NBEAL1: variants seen among roughly 807,000 people sequenced by gnomAD.
The protein encoded by NBEAL1 is neurobeachin-like protein 1.
A neutral mutation model predicts 351.3 loss-of-function variants in NBEAL1; 273 were observed. The observed-to-expected ratio is 0.78, with a 90% confidence interval of 0.70 to 0.86. The LOEUF is 0.86. Ranked by LOEUF, NBEAL1 falls within the 40% of genes least tolerant of loss-of-function variation. The pLI is 0.00. For missense variants in NBEAL1, 2,961 were observed against 3,201.3 expected (o/e 0.92, Z 1.81); for synonymous variants, 1,050 against 1,086.4 (o/e 0.97, Z 0.66).
chr2:203,182,822 T>A (rs1237443685), intron 43 of NBEAL1: 2 of 152,288 alleles, frequency 1.3e-5, no homozygotes, highest in Admixed American at 1.3e-4. Flanking sequence ...GAGCAAATCT[T>A]TATTATGCAA....
intron 42 of NBEAL1, among the ~76,000 whole-genome samples, chr2:203,176,558 C>T (rs998302264): frequency 6.6e-6 from 1 of 151,434 alleles, no homozygotes; most frequent in Admixed American, 6.6e-5. Flanking sequence ...GGTGAAACCC[C>T]GTCTCTACTA....
intron 2 of NBEAL1, among the ~76,000 whole-genome samples, chr2:203,025,365 C>T (rs2060840144): frequency 6.6e-6 from 1 of 152,154 alleles, no homozygotes; most frequent in Non-Finnish European, 1.5e-5. Flanking sequence ...TTATAGACCT[C>T]TGAAAATATT....
intron 46 of NBEAL1, among the ~76,000 whole-genome samples, chr2:203,191,668 A>G (rs552703647): frequency 3.5e-4 from 54 of 152,332 alleles, no homozygotes; most frequent in African/African-American, 1.3e-3. Context: ...CAAGCCTCAC[A>G]GAAGGTAATA....
chr2:203,131,382 AT>A (rs2063068457), intron 25 of NBEAL1, among the ~76,000 whole-genome samples: 1 of 152,008 alleles, frequency 6.6e-6, no homozygotes, highest in Non-Finnish European at 1.5e-5. Context: ...CACCTGGCTA[AT>A]TTTTGTATTT....
chr2:203,202,953 T>C (rs886816955), intron 51 of NBEAL1, among the ~76,000 whole-genome samples, 172 bp downstream of exon 51: 3 of 152,236 alleles, frequency 2.0e-5, no homozygotes, highest in African/African-American at 7.2e-5. Context: ...CTAGGTTTAC[T>C]GTCTGATTCA....
intron 2 of NBEAL1, among the ~76,000 whole-genome samples, chr2:203,030,342 T>C (rs1435558477): frequency 6.6e-6 from 1 of 152,100 alleles, no homozygotes; most frequent in African/African-American, 2.4e-5. Context: ...GAACTTGAGG[T>C]TTTGTTTTCA....
At position 203,201,649 on chromosome 2, in the gene NBEAL1, G is replaced by T; in HGVS notation, c.7345G>T (p.Asp2449Tyr). ...GTTGCTCTTCAGTGCTGGATACTGG[G>T]ATAATAGCATTCAAGTGATGTCACT... ...AKLLFSAGYW[D>Y]NSIQVMSLTK... The change falls in exon 50 of 56, where the codon GAT (aspartate) becomes TAT (tyrosine). Residue 2449 changes from aspartate (D) to tyrosine (Y), a missense_variant. Coordinates refer to ENST00000683969, the MANE Select transcript of NBEAL1 (RefSeq NM_001378026.1). 1 of 1,611,680 alleles carries T rather than the reference G, an allele frequency of 6.2e-7. No homozygotes were observed. Among genetic ancestry groups the T allele is most frequent in the Non-Finnish European group, 8.5e-7 (1 of 1,178,546 alleles).
intron 18 of NBEAL1, among the ~76,000 whole-genome samples, chr2:203,121,988 G>C (rs547911162): frequency 6.8e-4 from 104 of 152,062 alleles, no homozygotes; most frequent in African/African-American, 2.4e-3. Context: ...GTTTTACCAT[G>C]TTGGCCAGGC....
chr2:203,152,053 G>A (rs2063669163), intron 35 of NBEAL1, among the ~76,000 whole-genome samples: 1 of 151,890 alleles, frequency 6.6e-6, no homozygotes, highest in Non-Finnish European at 1.5e-5. Context: ...TGCTTCCAGG[G>A]TTCAAGCAAT....
At chr2:203,173,431 C>T (rs2064384853) in intron 41 of NBEAL1, among the ~76,000 whole-genome samples, 1 of 152,082 alleles carries the variant, frequency 6.6e-6, no homozygotes, top group Admixed American at 6.6e-5. Flanking sequence ...CCCTTTTTCT[C>T]CCTGTGAACT....
intron 26 of NBEAL1, among the ~76,000 whole-genome samples, chr2:203,132,841 C>T (rs1253330781): frequency 6.6e-6 from 1 of 152,074 alleles, no homozygotes; most frequent in Admixed American, 6.6e-5. Flanking sequence ...GCAGTATGGA[C>T]AGTACGTTCA....
intron 10 of NBEAL1, chr2:203,085,519 C>A (rs2061947515): frequency 2.0e-5 from 3 of 152,170 alleles, no homozygotes; most frequent in Admixed American, 2.0e-4. Flanking sequence ...AAATTAGGCA[C>A]AAAGTTTCAG....
chr2:203,212,245 T>C (rs1309561449), intron 54 of NBEAL1, among the ~76,000 whole-genome samples: 1 of 151,896 alleles, frequency 6.6e-6, no homozygotes, highest in African/African-American at 2.4e-5. Flanking sequence ...GCAAAAAGCA[T>C]GTAATGAGAG....
intron 18 of NBEAL1, among the ~76,000 whole-genome samples, chr2:203,120,676 A>C (rs2062809628): frequency 6.6e-6 from 1 of 152,202 alleles, no homozygotes; most frequent in Non-Finnish European, 1.5e-5. Context: ...CAATGGATAG[A>C]ATTTTTAGCA....
At chr2:203,104,375 A>G (rs1013546043) in intron 12 of NBEAL1, among the ~76,000 whole-genome samples, 3 of 151,680 alleles carry the variant, frequency 2.0e-5, no homozygotes, top group Non-Finnish European at 4.4e-5. Context: ...GCTTTTTTCC[A>G]TTTTCCATTT....
At chr2:203,174,943 G>A (rs1307191176) in intron 41 of NBEAL1, among the ~76,000 whole-genome samples, 2 of 151,812 alleles carry the variant, frequency 1.3e-5, no homozygotes, top group Non-Finnish European at 2.9e-5. Context: ...ATGATATTTT[G>A]TTGTTCAGAA....
At chr2:203,167,749 C>T (rs2064180347) in intron 38 of NBEAL1, among the ~76,000 whole-genome samples, 1 of 152,130 alleles carries the variant, frequency 6.6e-6, no homozygotes, top group Non-Finnish European at 1.5e-5. Flanking sequence ...AGTGCATATG[C>T]TCTAAAGCCA....
At chr2:203,213,895 T>C in intron 55 of NBEAL1, 1 of 592,640 alleles carries the variant, frequency 1.7e-6, no homozygotes, top group African/African-American at 2.0e-5. Context: ...AGACAGTTCA[T>C]TTCTTCCAAA....
chr2:203,121,426 G>T (rs1438539518), intron 18 of NBEAL1, among the ~76,000 whole-genome samples: 1 of 152,130 alleles, frequency 6.6e-6, no homozygotes, highest in Non-Finnish European at 1.5e-5. Flanking sequence ...GCCGAGGTGG[G>T]TGGATCCCTT....
Sources: allele counts gnomAD v4.1 joint callset (sites outside exome capture counted in the v4.1 genomes callset), GRCh38; gene constraint gnomAD v4.1.1; transcripts MANE v1.5; gene names NCBI Gene and HGNC (gene_info 2026-07-23, HGNC 2026-07-21).